The following NRXN3 variants were observed in gnomAD, a reference collection of about 807,000 sequenced individuals.
The protein encoded by NRXN3 is neurexin 3, also known as neurexin III.
A neutral mutation model predicts 137.6 loss-of-function variants in NRXN3; 32 were observed. The observed-to-expected ratio is 0.23, with a 90% CI of 0.18 to 0.31. The LOEUF (loss-of-function observed/expected upper bound fraction) is 0.31. NRXN3 is among the 10% of genes least tolerant of loss of function. NRXN3 has a pLI of 1.00. For synonymous variants in NRXN3, 798 were observed against 784.5 expected (o/e 1.02, Z -0.29); for missense variants, 1,574 against 2,062.5 (o/e 0.76, Z 4.59).
chr14:78,209,477 G>T (rs1376457211), intron 1 of NRXN3, among the ~76,000 whole-genome samples: 1 of 152,174 alleles, frequency 6.6e-6, no homozygotes, highest in Non-Finnish European at 1.5e-5. Context: ...ATAAAGAAAA[G>T]AATTTTAATT....
At chr14:78,197,527 C>T (rs1713417523) in intron 1 of NRXN3, among the ~76,000 whole-genome samples, 1 of 152,354 alleles carries the variant, frequency 6.6e-6, no homozygotes, top group South Asian at 2.1e-4. Context: ...TGCTGCTTTC[C>T]TCTTGCTGAT....
intron 19 of NRXN3, among the ~76,000 whole-genome samples, chr14:79,736,398 A>G (rs1051742538): frequency 5.9e-5 from 9 of 152,312 alleles, no homozygotes; most frequent in African/African-American, 2.2e-4. Context: ...AACTGGTATT[A>G]GGCTTGTAGA....
At chr14:79,370,751 A>G (rs1236880636) in intron 15 of NRXN3, among the ~76,000 whole-genome samples, 1 of 152,150 alleles carries the variant, frequency 6.6e-6, no homozygotes, top group Admixed American at 6.5e-5. Context: ...TTTTTCTAAT[A>G]AACTTTCTTC....
chr14:79,550,585 A>G (rs1366592367), intron 16 of NRXN3, among the ~76,000 whole-genome samples: 1 of 152,112 alleles, frequency 6.6e-6, no homozygotes, highest in Non-Finnish European at 1.5e-5. Context: ...TTTGATCACC[A>G]CCTGGGCATT....
intron 16 of NRXN3, among the ~76,000 whole-genome samples, chr14:79,567,646 C>T (rs986067996): frequency 7.9e-5 from 12 of 152,160 alleles, no homozygotes; most frequent in African/African-American, 1.7e-4. Context: ...CTTCTACGTT[C>T]GGCATGATTT....
intron 15 of NRXN3, among the ~76,000 whole-genome samples, chr14:79,240,960 TTGGG>T (rs2074190077): frequency 6.6e-6 from 1 of 152,068 alleles, no homozygotes; most frequent in Admixed American, 6.6e-5. Context: ...AAAAGTGTGT[TTGGG>T]TGTGTATGTG....
intron 10 of NRXN3, among the ~76,000 whole-genome samples, chr14:78,832,781 C>T (rs553209570): frequency 1.9e-4 from 29 of 152,206 alleles, no homozygotes; most frequent in Non-Finnish European, 3.5e-4. Context: ...GTATTCTTAT[C>T]GGTATCCCTG....
At chr14:79,705,648 T>C (rs962739461) in intron 19 of NRXN3, among the ~76,000 whole-genome samples, 12 of 152,114 alleles carry the variant, frequency 7.9e-5, no homozygotes, top group African/African-American at 2.7e-4. Flanking sequence ...CCTTTTCACC[T>C]GCCATTTCCT....
chr14:78,395,196 C>T (rs968767692), intron 4 of NRXN3, among the ~76,000 whole-genome samples: 1 of 151,538 alleles, frequency 6.6e-6, no homozygotes, highest in South Asian at 2.1e-4. Context: ...TATAAATTTT[C>T]CTCTCAGCAC....
chr14:78,625,897 G>A lies in NRXN3; in HGVS notation c.758-19223G>A, dbSNP rs113975761. ...TCAGCAAAACCTGGTTTTGATCCTC[G>A]ATGCTACCTCTTTCAATGGACAGGT... On this transcript the variant is annotated intron_variant, in intron 4 of 20. Transcript: ENST00000335750. Among the ~76,000 whole-genome samples, 271 of 152,242 alleles carry A rather than the reference G, an allele frequency of 1.8e-3. 2 individuals carry two copies. Among genetic ancestry groups the A allele is most frequent in the African/African-American group, 5.8e-3 (243 of 41,566 alleles).
At chr14:79,348,957 C>T (rs2093051828) in intron 15 of NRXN3, among the ~76,000 whole-genome samples, 1 of 152,060 alleles carries the variant, frequency 6.6e-6, no homozygotes, top group African/African-American at 2.4e-5. Flanking sequence ...CTTAATGCTG[C>T]CTTTAATTTA....
intron 4 of NRXN3, among the ~76,000 whole-genome samples, chr14:78,448,596 A>T (rs2094477918): frequency 6.6e-6 from 1 of 152,220 alleles, no homozygotes. Context: ...AGATCTCTGA[A>T]CTGGGACAAG....
chr14:79,659,208 G>C (rs1279093891), intron 16 of NRXN3, among the ~76,000 whole-genome samples: 3 of 150,432 alleles, frequency 2.0e-5, no homozygotes, highest in Non-Finnish European at 1.5e-5. Context: ...TTTTTTTCCT[G>C]AATGCACTTG....
intron 16 of NRXN3, among the ~76,000 whole-genome samples, chr14:79,610,063 G>A (rs577677211): frequency 2.0e-5 from 3 of 152,038 alleles, no homozygotes; most frequent in African/African-American, 7.2e-5. Context: ...AAACCTGCAC[G>A]TTCTGTACAT....
At chr14:79,598,605 T>C (rs2097887846) in intron 16 of NRXN3, among the ~76,000 whole-genome samples, 2 of 152,244 alleles carry the variant, frequency 1.3e-5, no homozygotes, top group Non-Finnish European at 2.9e-5. Context: ...GCAGAGATTA[T>C]GAAACAGTCT....
At chr14:78,600,923 C>G (rs894865438) in intron 4 of NRXN3, among the ~76,000 whole-genome samples, 2 of 152,134 alleles carry the variant, frequency 1.3e-5, no homozygotes, top group Non-Finnish European at 2.9e-5. Context: ...TTGCTCAACC[C>G]CATCTCTCCT....
At chr14:79,793,382 TC>T (rs1442560785) in intron 19 of NRXN3, among the ~76,000 whole-genome samples, 6 of 152,070 alleles carry the variant, frequency 3.9e-5, no homozygotes, top group Non-Finnish European at 2.9e-5. Flanking sequence ...GCCACTGCTC[TC>T]CAGCCTGGGC....
chr14:78,862,049 C>A, intron 10 of NRXN3, among the ~76,000 whole-genome samples: 1 of 152,070 alleles, frequency 6.6e-6, no homozygotes, highest in East Asian at 1.9e-4. Context: ...TACTAGTAAA[C>A]AACTAAAACC....
At chr14:79,221,436 T>A (rs2069651907) in intron 15 of NRXN3, among the ~76,000 whole-genome samples, 1 of 152,070 alleles carries the variant, frequency 6.6e-6, no homozygotes, top group Admixed American at 6.6e-5. Context: ...ACTTTTTAAT[T>A]ATCGCTATTC....
Sources: allele counts gnomAD v4.1 joint callset (sites outside exome capture counted in the v4.1 genomes callset), GRCh38; gene constraint gnomAD v4.1.1; transcripts MANE v1.5; gene names NCBI Gene and HGNC (gene_info 2026-07-23, HGNC 2026-07-21).